The following KDM5C variants were observed in gnomAD, a reference collection of about 807,000 sequenced individuals.
KDM5C encodes lysine demethylase 5C.
A neutral mutation model predicts 110.6 loss-of-function variants in KDM5C; 16 were observed. The observed-to-expected ratio is 0.14, with a 90% CI of 0.10 to 0.22. KDM5C has a LOEUF of 0.22. Among genes scored for constraint, KDM5C ranks in the 10% least tolerant of loss-of-function variants. KDM5C has a pLI of 1.00. For synonymous variants in KDM5C, 511 were observed against 520.4 expected (o/e 0.98, Z 0.24); for missense variants, 681 against 1,300.9 (o/e 0.52, Z 7.33).
chrX:53,181,849 A>C (rs1381500195), intron 25 of KDM5C, among the ~76,000 whole-genome samples: 7 of 105,286 alleles, frequency 6.6e-5, no homozygotes, highest in Non-Finnish European at 1.2e-4. Context: ...AGTGCAGTGG[A>C]GCGATCTCAG....
intron 10 of KDM5C, 92 bp downstream of exon 10, chrX:53,211,405 T>A (rs191889964): frequency 2.2e-6 from 2 of 926,403 alleles, no homozygotes; most frequent in African/African-American, 3.9e-5. Context: ...GGCATAATTA[T>A]CCTCATCTTA....
chrX:53,195,495 T>G (rs782536152), intron 20 of KDM5C, 85 bp from the exon 21 acceptor site: 2 of 913,564 alleles, frequency 2.2e-6, no homozygotes, highest in African/African-American at 3.9e-5. Flanking sequence ...GCTGGAAAGA[T>G]GAACTGGGCT....
At chrX:53,206,813 G>A (rs782017306) in intron 12 of KDM5C, among the ~76,000 whole-genome samples, 29 of 87,691 alleles carry the variant, frequency 3.3e-4, no homozygotes, top group Non-Finnish European at 5.9e-4. Flanking sequence ...GCAGTGAGCC[G>A]AGATCGCACC....
At chrX:53,207,158 C>G (rs1602199669) in intron 12 of KDM5C, among the ~76,000 whole-genome samples, 1 of 58,010 alleles carries the variant, frequency 1.7e-5, no homozygotes, top group Non-Finnish European at 2.9e-5. Context: ...GCCTGGGCAA[C>G]AAGAGTGAGA....
intron 6 of KDM5C, 47 bp from the exon 7 acceptor site, chrX:53,216,023 G>A: frequency 8.3e-7 from 1 of 1,211,764 alleles, no homozygotes; most frequent in East Asian, 3.0e-5. Context: ...GGACACTTAG[G>A]GCCCTGACTT....
intron 25 of KDM5C, among the ~76,000 whole-genome samples, chrX:53,178,115 C>T (rs148112357): frequency 0.022 from 2,517 of 111,917 alleles, 62 homozygotes; most frequent in African/African-American, 0.077. Context: ...CCTCAGCCTC[C>T]GAAAGTGTTG....
At chrX:53,187,101 C>A (rs1376257001), downstream of KDM5C, among the ~76,000 whole-genome samples, 1 of 111,742 alleles carries the variant, frequency 8.9e-6, no homozygotes, top group East Asian at 2.8e-4. Context: ...AACAAAATGG[C>A]CATGGTGGCA....
At chrX:53,193,874 G>C in intron 23 of KDM5C, 23 bp from the exon 24 acceptor site, 3 of 1,182,707 alleles carry the variant, frequency 2.5e-6, no homozygotes, top group Non-Finnish European at 3.4e-6. Flanking sequence ...GCAAGAATAG[G>C]TAGGGGCAAC....
intron 20 of KDM5C, 37 bp from the exon 21 acceptor site, chrX:53,195,447 GC>G: frequency 8.8e-7 from 1 of 1,133,435 alleles, no homozygotes; most frequent in Non-Finnish European, 1.2e-6. Flanking sequence ...AGTTCAACTT[GC>G]CAATGCTATT....
intron 25 of KDM5C, among the ~76,000 whole-genome samples, chrX:53,178,439 G>T (rs1933938517): frequency 8.9e-6 from 1 of 112,004 alleles, no homozygotes; most frequent in Non-Finnish European, 1.9e-5. Flanking sequence ...ATAATAGGTA[G>T]CATATTTTGA....
At chrX:53,183,763 G>A (rs782077957) in intron 25 of KDM5C, among the ~76,000 whole-genome samples, 14 of 109,841 alleles carry the variant, frequency 1.3e-4, no homozygotes, top group African/African-American at 4.0e-4. Flanking sequence ...TAGTAGATAC[G>A]GGGGTTTCAC....
At chrX:53,179,329 A>G (rs1933971915) in intron 25 of KDM5C, among the ~76,000 whole-genome samples, 1 of 111,972 alleles carries the variant, frequency 8.9e-6, no homozygotes, top group Non-Finnish European at 1.9e-5. Context: ...CCCTCTCCAA[A>G]AAAAAAACAA....
rs2146946030 is a variant in KDM5C, at chrX:53,217,174, T to C, written c.626A>G (p.Tyr209Cys). The C allele has an allele frequency of 1.7e-6, 2 of 1,210,458 alleles. No homozygotes were observed. The highest frequency in any genetic ancestry group is 2.2e-6 in the Non-Finnish European group (2 of 894,771). ...CTGCAGTCTCTTGGCCCGCCGGCCA[T>C]AGCTGTTGAACTTGGAAGGCTGCAC... ...QSVQPSKFNS[Y>C]GRRAKRLQPD... The change falls in exon 5 of 26, where the codon TAT (tyrosine) becomes TGT (cysteine). Residue 209 changes from tyrosine to cysteine, a missense_variant. Transcript: ENST00000375401.
chrX:53,193,213 T>C lies in KDM5C; in HGVS notation c.4437A>G (p.Pro1479=). Reference sequence around the variant, plus strand: ...CTGGCCCTGAGCTCCGTACCCTCTTTGGCTCTAGCTCCTCTCGGGCTGGGT... The same window carrying C: ...CTGGCCCTGAGCTCCGTACCCTCTTCGGCTCTAGCTCCTCTCGGGCTGGGT... The part of the protein sequence containing the change: ...GDDPAREELE[P]KRVRSSGPEA... The change falls in exon 26 of 26, where the codon CCA becomes CCG. Residue 1479 remains proline (P), a synonymous_variant. Coordinates refer to ENST00000375401, the MANE Select transcript of KDM5C (RefSeq NM_004187.5). 2 of 1,209,908 alleles carry C rather than the reference T, an allele frequency of 1.7e-6. No homozygotes were observed. Among genetic ancestry groups the C allele is most frequent in the Non-Finnish European group, 2.2e-6 (2 of 895,294 alleles).
intron 16 of KDM5C, 23 bp from the exon 17 acceptor site, chrX:53,198,660 A>T: frequency 8.3e-7 from 1 of 1,212,054 alleles, no homozygotes; most frequent in Non-Finnish European, 1.1e-6. Context: ...TGAGGGCAGC[A>T]AAGAGTAGGC....
intron 21 of KDM5C, 71 bp from the exon 22 acceptor site, chrX:53,195,139 G>A: frequency 8.5e-7 from 1 of 1,172,809 alleles, no homozygotes; most frequent in Non-Finnish European, 1.1e-6. Flanking sequence ...CCTCCCTGGT[G>A]CCCCTACAAA....
At position 53,224,924 on chromosome X, in the gene KDM5C, C is replaced by G. The variant is rs782693506; in HGVS notation, c.-35G>C. ...GAGGTCTGGGCCAGGGATCGGGAGG[C>G]TTGGACCGCCCTTAAGGACTCATGG... On this transcript the variant is annotated 5_prime_UTR_variant, in exon 1 of 26. Coordinates refer to ENST00000375401, the MANE Select transcript of KDM5C (RefSeq NM_004187.5). The G allele has an allele frequency of 1.6e-5, 19 of 1,181,783 alleles. No individual in the cohort carries two copies. The South Asian group carries it at 3.5e-4, about 22-fold the overall frequency.
In KDM5C at chrX:53,201,851, C is replaced by T; in HGVS notation, c.1866+3G>A. Reference sequence around the variant, plus strand: ...CCACCATCCCACCACATTCTAGACTCACCCAGTCAGCAGTGCAAAAGTTGA... The same window carrying T: ...CCACCATCCCACCACATTCTAGACTTACCCAGTCAGCAGTGCAAAAGTTGA... On this transcript the variant is annotated splice_donor_region_variant and intron_variant, in intron 13 of 25. Transcript: ENST00000375401. The T allele has an allele frequency of 8.3e-7, 1 of 1,212,056 alleles. No homozygotes were observed.
rs781858052 is a variant in KDM5C at position 53,201,598 on chromosome X, G to A, written c.2013C>T (p.Phe671=). ...NLAAAVHKEM[F]IMVQEERRLR... ...GACGCCGCTCTTCTTGCACCATGATGAACATCTCCTTATGCACAGCTGCCG... is the reference window on the plus strand; with the variant it reads ...GACGCCGCTCTTCTTGCACCATGATAAACATCTCCTTATGCACAGCTGCCG... Residue 671 remains phenylalanine, a synonymous_variant, in exon 14 of 26, where the codon TTC becomes TTT. Coordinates refer to ENST00000375401, the MANE Select transcript of KDM5C (RefSeq NM_004187.5). 4 of 1,212,112 alleles carry A rather than the reference G, an allele frequency of 3.3e-6. No homozygotes were observed. In the Admixed American group the frequency reaches 8.7e-5, roughly 26 times the overall value.
Sources: allele counts gnomAD v4.1 joint callset (sites outside exome capture counted in the v4.1 genomes callset), GRCh38; gene constraint gnomAD v4.1.1; transcripts MANE v1.5; gene names NCBI Gene and HGNC (gene_info 2026-07-23, HGNC 2026-07-21).